Variants in EFNA5 observed in about 807,000 individuals in gnomAD.
EFNA5 encodes the protein ephrin A5, also known as ephrin-A5.
EFNA5 carries 5 observed loss-of-function variants against 22.9 expected under a neutral mutation model. The observed-to-expected ratio is 0.22, with a 90% confidence interval of 0.11 to 0.46. The LOEUF is 0.46. Among genes scored for constraint, EFNA5 ranks in the 20% least tolerant of loss-of-function variants. The pLI is 0.99. For synonymous variants in EFNA5, 113 were observed against 112.2 expected, an observed-to-expected ratio of 1.01 and a Z score of -0.04; for missense variants, 237 against 293.3, an observed-to-expected ratio of 0.81 and a Z score of 1.40.
chr5:107,506,470 G>T (rs548727912), intron 1 of EFNA5, among the ~76,000 whole-genome samples: 1 of 152,204 alleles, frequency 6.6e-6, no homozygotes, highest in Admixed American at 6.5e-5. Flanking sequence ...ATGGACTGGG[G>T]TGAAGATAGG....
intron 1 of EFNA5, among the ~76,000 whole-genome samples, chr5:107,563,910 C>T (rs1748600470): frequency 6.6e-6 from 1 of 152,218 alleles, no homozygotes; most frequent in South Asian, 2.1e-4. Flanking sequence ...GTTCGCAAGT[C>T]ATCAGAACCC....
At chr5:107,566,286 ACTGGGTGAGAGCCTTCTATT>A (rs1370157109) in intron 1 of EFNA5, among the ~76,000 whole-genome samples, 1 of 152,114 alleles carries the variant, frequency 6.6e-6, no homozygotes. Context: ...CAGTCATGTT[ACTGGGTGAGAGCCTTCTATT>A]CTGGACTTAC....
intron 1 of EFNA5, among the ~76,000 whole-genome samples, chr5:107,624,278 C>T (rs563315497): frequency 1.6e-4 from 24 of 152,234 alleles, no homozygotes; most frequent in African/African-American, 5.5e-4. Context: ...AAGAAACATC[C>T]TTCACACATT....
intron 1 of EFNA5, among the ~76,000 whole-genome samples, chr5:107,447,889 C>T (rs1389841085): frequency 6.6e-6 from 1 of 151,724 alleles, no homozygotes; most frequent in African/African-American, 2.4e-5. Context: ...GTTCTGTTGC[C>T]CAGGCTGGAG....
At chr5:107,452,919 A>G (rs1561392768) in intron 1 of EFNA5, among the ~76,000 whole-genome samples, 1 of 152,150 alleles carries the variant, frequency 6.6e-6, no homozygotes, top group Non-Finnish European at 1.5e-5. Context: ...AAACACCTTA[A>G]TCCTTCAAAT....
intron 1 of EFNA5, among the ~76,000 whole-genome samples, chr5:107,590,538 A>G (rs1256677039): frequency 6.6e-6 from 1 of 151,810 alleles, no homozygotes; most frequent in Non-Finnish European, 1.5e-5. Flanking sequence ...AAAGGCATAC[A>G]CCACTAGGCT....
intron 1 of EFNA5, among the ~76,000 whole-genome samples, chr5:107,664,466 C>T (rs1227528758): frequency 6.6e-6 from 1 of 152,152 alleles, no homozygotes; most frequent in Non-Finnish European, 1.5e-5. Flanking sequence ...TTCTACAAAA[C>T]AGCTCAGGAC....
chr5:107,473,142 G>C (rs1372621293), intron 1 of EFNA5, among the ~76,000 whole-genome samples: 1 of 152,062 alleles, frequency 6.6e-6, no homozygotes, highest in Non-Finnish European at 1.5e-5. Context: ...ATCTGATGTT[G>C]GAAGTTGTAG....
In EFNA5 at chr5:107,465,853, GA is replaced by G. The variant is rs553748550; in HGVS notation, c.126-38345del. ...CAGGATAGAGCCTGAGATCCTCACTGAAAAACAAAGAAAAAGGGAATGAACT... is the reference window on the plus strand; with the variant it reads ...CAGGATAGAGCCTGAGATCCTCACTGAAAACAAAGAAAAAGGGAATGAACT... On this transcript the variant is annotated intron_variant, in intron 1 of 4. Coordinates refer to ENST00000333274, the MANE Select transcript of EFNA5 (RefSeq NM_001962.3). Among the ~76,000 whole-genome samples the G allele has an allele frequency of 4.9e-3, 745 of 152,062 alleles. 5 individuals are homozygous for G. Among genetic ancestry groups the G allele is most frequent in the African/African-American group, 0.016 (660 of 41,510 alleles).
chr5:107,389,504 C>T (rs1747728798), intron 2 of EFNA5, among the ~76,000 whole-genome samples: 1 of 152,184 alleles, frequency 6.6e-6, no homozygotes, highest in Non-Finnish European at 1.5e-5. Flanking sequence ...GAACTCACTT[C>T]AAGCCTTGTG....
intron 1 of EFNA5, 47 bp from the exon 2 acceptor site, chr5:107,427,556 T>A (rs1748840550): frequency 6.6e-7 from 1 of 1,516,222 alleles, no homozygotes; most frequent in African/African-American, 1.4e-5. Flanking sequence ...GAGAAAGGGC[T>A]TTCTGCTTGG....
intron 2 of EFNA5, among the ~76,000 whole-genome samples, chr5:107,394,446 ATG>A (rs1747867579): frequency 1.3e-5 from 2 of 152,196 alleles, no homozygotes; most frequent in Admixed American, 1.3e-4. Flanking sequence ...AAGAAAAGGG[ATG>A]TGTTTCCCAC....
chr5:107,559,935 T>C (rs1422045725), intron 1 of EFNA5, among the ~76,000 whole-genome samples: 1 of 152,180 alleles, frequency 6.6e-6, no homozygotes, highest in African/African-American at 2.4e-5. Context: ...GCATAGATAT[T>C]GCTTTCTTTA....
intron 1 of EFNA5, among the ~76,000 whole-genome samples, chr5:107,469,965 A>T (rs926053022): frequency 3.9e-5 from 6 of 152,184 alleles, no homozygotes; most frequent in Admixed American, 3.3e-4. Flanking sequence ...GGACATTAAC[A>T]ATTAAGTGTT....
chr5:107,459,377 A>G (rs28707470), intron 1 of EFNA5, among the ~76,000 whole-genome samples: 39 of 60,000 alleles, frequency 6.5e-4, no homozygotes, highest in African/African-American at 1.5e-3. Flanking sequence ...GGAACACATG[A>G]AAAAAAAAAA....
chr5:107,647,298 A>G (rs1750647615), intron 1 of EFNA5, among the ~76,000 whole-genome samples: 1 of 152,116 alleles, frequency 6.6e-6, no homozygotes, highest in South Asian at 2.1e-4. Flanking sequence ...TCAGCATCTC[A>G]CAATGCATCG....
chr5:107,590,207 A>T (rs957437161), intron 1 of EFNA5, among the ~76,000 whole-genome samples: 2 of 152,196 alleles, frequency 1.3e-5, no homozygotes, highest in African/African-American at 4.8e-5. Context: ...TTAGAAAAAA[A>T]TGCTAAAAGA....
chr5:107,599,941 C>T (rs951391196), intron 1 of EFNA5, among the ~76,000 whole-genome samples: 20 of 152,350 alleles, frequency 1.3e-4, no homozygotes, highest in Middle Eastern at 3.4e-3. Context: ...AAAGCAGCAG[C>T]TTCCCTTCAG....
chr5:107,571,980 G>A (rs1748817893), intron 1 of EFNA5, among the ~76,000 whole-genome samples: 1 of 152,094 alleles, frequency 6.6e-6, no homozygotes, highest in Non-Finnish European at 1.5e-5. Flanking sequence ...GGATGGCAAA[G>A]CAGAGCCTAC....
Sources: gnomAD v4.1 joint callset for allele counts (sites outside exome capture counted in the v4.1 genomes callset) on GRCh38, gnomAD v4.1.1 for gene constraint, MANE v1.5 for transcripts, NCBI Gene and HGNC (gene_info 2026-07-23, HGNC 2026-07-21) for gene names.